Variants in LINGO1 observed in about 807,000 individuals in gnomAD.
LINGO1 encodes leucine rich repeat and Ig domain containing 1.
LINGO1 carries 11 observed loss-of-function variants against 37.3 expected under a neutral mutation model. That is an observed-to-expected ratio of 0.29 (90% CI 0.19 to 0.49). The LOEUF is 0.49. Ranked by LOEUF, LINGO1 falls within the 20% of genes least tolerant of loss-of-function variation. The pLI is 0.99. For missense variants in LINGO1, 585 were observed against 878.2 expected (o/e 0.67, Z 4.22); for synonymous variants, 387 against 403.0 (o/e 0.96, Z 0.48).
Position 77,614,702 on chromosome 15 carries a change from AC to A in LINGO1, c.1204del (p.Val402SerfsTer216). On this transcript the variant is annotated frameshift_variant, in exon 2 of 2. Coordinates refer to ENST00000355300, the MANE Select transcript of LINGO1 (RefSeq NM_032808.7). LOFTEE classifies it high-confidence loss of function. ...GAAGTCCTTGAACTCCTTGCCCTGG[AC>A]AAACTCGGGCGTGGCGCACGTGGGC... ...QQPTCATPEFVQGKEFKDFPD... is the reference protein window; with the variant it reads ...QQPTCATPEFXQGKEFKDFPD... The A allele has an allele frequency of 6.2e-7, 1 of 1,610,432 alleles. No individual in the cohort carries two copies. The highest frequency in any genetic ancestry group is 8.5e-7 in the Non-Finnish European group (1 of 1,178,386).
rs776160711 is a variant in LINGO1 at position 77,614,910 on chromosome 15, C to T, written c.997G>A (p.Gly333Ser). 1.4e-5 allele frequency: 22 copies of T among 1,613,804 alleles called. No homozygotes were observed. The highest frequency in any genetic ancestry group is 6.7e-5 in the African/African-American group (5 of 74,906). Residue 333 changes from glycine to serine, a missense_variant, in exon 2 of 2, where the codon GGC (glycine) becomes AGC (serine). Around this residue, in one of 4 missense-constraint regions of LINGO1, gnomAD observed 484 missense variants for 735.0 expected, o/e 0.66. Coordinates refer to ENST00000355300, the MANE Select transcript of LINGO1 (RefSeq NM_032808.7). ...TTGAGCACGCGCAGGTAGTTGAGGCCGCGGAAGGCATAGGGCTCCACCACG... is the reference window on the plus strand; with the variant it reads ...TTGAGCACGCGCAGGTAGTTGAGGCTGCGGAAGGCATAGGGCTCCACCACG... Reference protein sequence around the residue: ...LAVVEPYAFRGLNYLRVLNVS... With the variant: ...LAVVEPYAFRSLNYLRVLNVS...
chr15:77,739,249 T>C (rs1467011858), intron 1 of LINGO1, among the ~76,000 whole-genome samples: 1 of 152,230 alleles, frequency 6.6e-6, no homozygotes, highest in African/African-American at 2.4e-5. Context: ...TCCTTTCGCC[T>C]TCCATTTTCT....
chr15:77,669,226 A>T (rs952496329), intron 3 of LINGO1, among the ~76,000 whole-genome samples: 12 of 152,162 alleles, frequency 7.9e-5, no homozygotes, highest in African/African-American at 2.9e-4. Context: ...GGACAACTGG[A>T]TGCCACTTTG....
chr15:77,811,959 A>T (rs80210398), intron 1 of LINGO1, among the ~76,000 whole-genome samples: 1 of 150,040 alleles, frequency 6.7e-6, no homozygotes, highest in Non-Finnish European at 1.5e-5. Flanking sequence ...AAAAAAAAAA[A>T]TAGCACAGTC....
intron 1 of LINGO1, among the ~76,000 whole-genome samples, chr15:77,694,497 G>A (rs1304104752): frequency 6.6e-6 from 1 of 151,990 alleles, no homozygotes; most frequent in Non-Finnish European, 1.5e-5. Context: ...CCTGGAAGAC[G>A]CAGGAATCTC....
At chr15:77,787,566 G>T (rs1222642103), upstream of LINGO1, among the ~76,000 whole-genome samples, 1 of 150,778 alleles carries the variant, frequency 6.6e-6, no homozygotes, top group East Asian at 2.0e-4. Flanking sequence ...CTTCAGGGCT[G>T]TGGGGGGTGG....
chr15:77,764,963 A>G (rs1163389256), intron 1 of LINGO1, among the ~76,000 whole-genome samples: 2 of 152,192 alleles, frequency 1.3e-5, no homozygotes, highest in Non-Finnish European at 2.9e-5. Flanking sequence ...GAAGGCATGC[A>G]TTGCATTTAC....
chr15:77,766,297 C>CAAAA lies in LINGO1; in HGVS notation c.-257+20568_-257+20571dup, dbSNP rs71447163. ...TGGGTAACAGAAGGAGACCCTGTCT[C>CAAAA]AAAAAAAAAAAAAAAAAAAACACAC... is the stretch of plus-strand genomic sequence containing the variant. On this transcript the variant is annotated intron_variant, in intron 1 of 3. Transcript: ENST00000561686. 1.2e-3 allele frequency among the ~76,000 whole-genome samples: 58 copies of CAAAA among 48,904 alleles called. 1 individual carries two copies. Among genetic ancestry groups the CAAAA allele is most frequent in the African/African-American group, 3.2e-3 (38 of 11,950 alleles). The allele number at this position is 48,904 out of a possible 152,430, so 32.1% of individuals were successfully genotyped here.
intron 3 of LINGO1, among the ~76,000 whole-genome samples, chr15:77,664,635 C>T (rs2075090468): frequency 6.6e-6 from 1 of 152,188 alleles, no homozygotes; most frequent in Non-Finnish European, 1.5e-5. Flanking sequence ...TGGAGGGCTC[C>T]TCCCAGCCTG....
At chr15:77,810,968 C>T (rs2077000836) in intron 1 of LINGO1, among the ~76,000 whole-genome samples, 1 of 152,094 alleles carries the variant, frequency 6.6e-6, no homozygotes. Flanking sequence ...CCACATATCC[C>T]CCAGAAGCTC....
At chr15:77,653,002 C>A (rs2074795224) in intron 3 of LINGO1, among the ~76,000 whole-genome samples, 1 of 152,190 alleles carries the variant, frequency 6.6e-6, no homozygotes. Flanking sequence ...ATTTGAGCCA[C>A]CTCAGATTGG....
intron 1 of LINGO1, among the ~76,000 whole-genome samples, chr15:77,756,567 G>A (rs1288122220): frequency 6.6e-6 from 1 of 151,960 alleles, no homozygotes; most frequent in African/African-American, 2.4e-5. Flanking sequence ...TACCATCAAG[G>A]GAGGGCCAAG....
chr15:77,719,781 A>T (rs1313814970), intron 2 of LINGO1, among the ~76,000 whole-genome samples: 1 of 121,484 alleles, frequency 8.2e-6, no homozygotes, highest in Non-Finnish European at 1.8e-5. Context: ...CACATACACA[A>T]ACTCACATTC....
chr15:77,719,061 T>C (rs1181754176), intron 2 of LINGO1, among the ~76,000 whole-genome samples: 3 of 150,270 alleles, frequency 2.0e-5, no homozygotes, highest in South Asian at 2.2e-4. Context: ...AATGAGGAGC[T>C]TGTCCAGGCA....
At chr15:77,722,212 C>T (rs536840672) in intron 2 of LINGO1, among the ~76,000 whole-genome samples, 302 of 148,558 alleles carry the variant, frequency 2.0e-3, no homozygotes, top group African/African-American at 7.3e-3. Flanking sequence ...CTCAGCACAC[C>T]GGCCAGGGAA....
At chr15:77,697,064 A>C (rs1186085614), upstream of LINGO1, among the ~76,000 whole-genome samples, 1 of 152,210 alleles carries the variant, frequency 6.6e-6, no homozygotes, top group Non-Finnish European at 1.5e-5. Flanking sequence ...AGCAGAGAGG[A>C]GGGCAGGAGC....
intron 1 of LINGO1, among the ~76,000 whole-genome samples, chr15:77,817,252 C>T (rs1280084979): frequency 6.6e-6 from 1 of 152,162 alleles, no homozygotes; most frequent in Admixed American, 6.5e-5. Flanking sequence ...CAGCTCTGAC[C>T]TCCTGTTCTT....
intron 3 of LINGO1, among the ~76,000 whole-genome samples, chr15:77,641,581 G>A (rs1001983508): frequency 2.6e-5 from 4 of 152,186 alleles, no homozygotes; most frequent in Non-Finnish European, 5.9e-5. Flanking sequence ...GGGGCGGCCG[G>A]CCTCTTGGCA....
chr15:77,641,982 C>G, intron 3 of LINGO1: 2 of 456,676 alleles, frequency 4.4e-6, no homozygotes, highest in Non-Finnish European at 8.8e-6. Context: ...CTCTCTGAGC[C>G]GCTTTCCATT....
Sources: gnomAD v4.1 joint callset for allele counts (sites outside exome capture counted in the v4.1 genomes callset) on GRCh38, gnomAD v4.1.1 for gene constraint, gnomAD v4.1.1 regional missense constraint, MANE v1.5 for transcripts, NCBI Gene and HGNC (gene_info 2026-07-23, HGNC 2026-07-21) for gene names.